The following ZNF385D variants were observed in gnomAD, a reference collection of about 807,000 sequenced individuals.
ZNF385D encodes zinc finger protein 385D, also known as zinc finger protein 659.
In ZNF385D, 15 loss-of-function variants were observed where a neutral mutation model predicts 35.8. The observed-to-expected ratio is 0.42, with a 90% CI of 0.28 to 0.64. The LOEUF is 0.64. Among genes scored for constraint, ZNF385D ranks in the 30% least tolerant of loss-of-function variants. ZNF385D has a pLI of 0.23. For missense variants in ZNF385D, 474 were observed against 494.6 expected (o/e 0.96, Z 0.39); for synonymous variants, 212 against 186.8 (o/e 1.13, Z -1.10).
chr3:21,617,970 A>T (rs1559463710), intron 2 of ZNF385D, among the ~76,000 whole-genome samples: 1 of 152,116 alleles, frequency 6.6e-6, no homozygotes, highest in Non-Finnish European at 1.5e-5. Flanking sequence ...AACAAATGGC[A>T]TGTCTCTCAT....
intron 3 of ZNF385D, among the ~76,000 whole-genome samples, chr3:21,537,282 G>C (rs1371222163): frequency 2.0e-5 from 3 of 151,678 alleles, no homozygotes; most frequent in African/African-American, 7.2e-5. Flanking sequence ...ACAGGTGCCT[G>C]CCACCACACC....
At chr3:22,134,683 G>A (rs116332502) in intron 3 of ZNF385D, among the ~76,000 whole-genome samples, 136 of 152,262 alleles carry the variant, frequency 8.9e-4, no homozygotes, top group African/African-American at 3.1e-3. Flanking sequence ...AATTTACAAT[G>A]AACAGAAGAT....
chr3:22,276,594 T>C (rs1324522211), intron 2 of ZNF385D, among the ~76,000 whole-genome samples: 1 of 152,168 alleles, frequency 6.6e-6, no homozygotes, highest in Non-Finnish European at 1.5e-5. Flanking sequence ...ACTTTGTGGA[T>C]TAAATGGGAA....
chr3:21,468,700 C>T lies in ZNF385D; in HGVS notation c.440-31497G>A, dbSNP rs559141367. Among the ~76,000 whole-genome samples, 20 of 152,068 alleles carry T rather than the reference C, an allele frequency of 1.3e-4. No individual in the cohort carries two copies. The South Asian group carries it at 2.9e-3, about 22-fold the overall frequency. Reference sequence around the variant, plus strand: ...CAGCACTTTGGGAGTCCGAGGCAGGCGGATCACGAGGTCAGGAGATTGAGA... The same window carrying T: ...CAGCACTTTGGGAGTCCGAGGCAGGTGGATCACGAGGTCAGGAGATTGAGA... On this transcript the variant is annotated intron_variant, in intron 4 of 7. Coordinates refer to ENST00000281523, the MANE Select transcript of ZNF385D (RefSeq NM_024697.3).
At chr3:21,968,007 T>C (rs1347605785) in intron 3 of ZNF385D, among the ~76,000 whole-genome samples, 1 of 151,944 alleles carries the variant, frequency 6.6e-6, no homozygotes, top group African/African-American at 2.4e-5. Context: ...GACACTGAAG[T>C]AGGTAGGAAA....
chr3:22,330,686 G>T (rs1053632050), intron 2 of ZNF385D, among the ~76,000 whole-genome samples: 14 of 152,142 alleles, frequency 9.2e-5, no homozygotes, highest in African/African-American at 3.1e-4. Context: ...ACACTGTGAT[G>T]CATGTTCCAC....
At chr3:22,333,447 G>A (rs972476334) in intron 2 of ZNF385D, among the ~76,000 whole-genome samples, 1 of 151,132 alleles carries the variant, frequency 6.6e-6, no homozygotes, top group African/African-American at 2.5e-5. Flanking sequence ...AGGCTGTAAT[G>A]CTTTGTTCAT....
chr3:22,058,478 G>T (rs1386775442), intron 3 of ZNF385D, among the ~76,000 whole-genome samples: 1 of 152,128 alleles, frequency 6.6e-6, no homozygotes, highest in Non-Finnish European at 1.5e-5. Context: ...TAGAGAACTG[G>T]ATAATGGCTA....
intron 1 of ZNF385D, among the ~76,000 whole-genome samples, chr3:21,703,292 T>A (rs2067763405): frequency 6.6e-6 from 1 of 152,116 alleles, no homozygotes; most frequent in African/African-American, 2.4e-5. Context: ...TCCATGAGAC[T>A]TAATCACTAT....
chr3:21,933,502 G>A (rs1286014702), intron 3 of ZNF385D, among the ~76,000 whole-genome samples: 3 of 152,136 alleles, frequency 2.0e-5, no homozygotes, highest in Non-Finnish European at 4.4e-5. Flanking sequence ...ATGCTTCATA[G>A]GCTATAATTA....
At chr3:21,746,901 C>T (rs2069797026) in intron 1 of ZNF385D, among the ~76,000 whole-genome samples, 1 of 152,168 alleles carries the variant, frequency 6.6e-6, no homozygotes, top group Non-Finnish European at 1.5e-5. Flanking sequence ...GGTCCAGCTA[C>T]AACCAAAAGT....
chr3:22,339,302 T>C (rs1239759634), intron 2 of ZNF385D, among the ~76,000 whole-genome samples: 1 of 152,182 alleles, frequency 6.6e-6, no homozygotes, highest in Admixed American at 6.5e-5. Flanking sequence ...TTGAAAACTA[T>C]TCATGTTTAT....
chr3:21,602,628 G>C (rs2064344628), intron 2 of ZNF385D, among the ~76,000 whole-genome samples: 1 of 145,770 alleles, frequency 6.9e-6, no homozygotes, highest in East Asian at 2.1e-4. Context: ...CGCTTCCCGG[G>C]TTCACGCCAT....
intron 3 of ZNF385D, among the ~76,000 whole-genome samples, chr3:21,980,748 G>C (rs1031087592): frequency 1.3e-5 from 2 of 152,052 alleles, no homozygotes; most frequent in African/African-American, 4.8e-5. Context: ...CACAGTGTCT[G>C]TTGTTTCCTT....
At chr3:21,847,703 A>T (rs1696099973) in intron 3 of ZNF385D, among the ~76,000 whole-genome samples, 1 of 152,152 alleles carries the variant, frequency 6.6e-6, no homozygotes, top group African/African-American at 2.4e-5. Context: ...GGTAAGTAGA[A>T]TCATGAAATA....
chr3:22,285,273 C>T (rs561770998), intron 2 of ZNF385D, among the ~76,000 whole-genome samples: 1 of 152,254 alleles, frequency 6.6e-6, no homozygotes, highest in African/African-American at 2.4e-5. Flanking sequence ...TCTAACCCTC[C>T]ACCACATTCC....
intron 3 of ZNF385D, among the ~76,000 whole-genome samples, chr3:21,908,156 ATC>A (rs1050338438): frequency 1.3e-5 from 2 of 149,860 alleles, no homozygotes; most frequent in South Asian, 2.1e-4. Context: ...CTATCTATCT[ATC>A]TATCTATCTA....
intron 3 of ZNF385D, among the ~76,000 whole-genome samples, chr3:21,823,683 G>A (rs895540171): frequency 4.6e-5 from 7 of 152,196 alleles, no homozygotes; most frequent in Non-Finnish European, 1.0e-4. Flanking sequence ...AAATTCAATA[G>A]CAGTATCAGA....
chr3:21,583,545 C>G (rs760056624), intron 2 of ZNF385D, among the ~76,000 whole-genome samples: 2 of 152,074 alleles, frequency 1.3e-5, no homozygotes, highest in African/African-American at 4.8e-5. Flanking sequence ...ACTATTAGGA[C>G]TTTTTTTCTG....
Sources: allele counts gnomAD v4.1 joint callset (sites outside exome capture counted in the v4.1 genomes callset), GRCh38; gene constraint gnomAD v4.1.1; transcripts MANE v1.5; gene names NCBI Gene and HGNC (gene_info 2026-07-23, HGNC 2026-07-21).